PCNX1: variants seen among roughly 807,000 people sequenced by gnomAD.
PCNX1 encodes pecanex 1.
In PCNX1, 78 loss-of-function variants were observed where a neutral mutation model predicts 242.2. The observed-to-expected ratio is 0.32, with a 90% CI of 0.27 to 0.39. PCNX1 has a LOEUF of 0.39. Among genes scored for constraint, PCNX1 ranks in the 10% least tolerant of loss-of-function variants. The probability of loss-of-function intolerance (pLI) is 1.00; values close to 1 mark genes in which losing one functional copy is unlikely to be tolerated. For missense variants in PCNX1, 2,581 were observed against 2,856.5 expected (o/e 0.90, Z 2.20); for synonymous variants, 1,024 against 1,032.9 (o/e 0.99, Z 0.17).
rs185903236 is a variant in PCNX1 at position 70,977,984 on chromosome 14, A to G, written c.1647A>G (p.Val549=). Residue 549 remains valine, a synonymous_variant, in exon 6 of 36, where the codon GTA becomes GTG. Transcript: ENST00000304743. The stretch of plus-strand genomic sequence containing the variant: ...ATGTTCGACCTAAATCTTCTAGCGT[A>G]ATCCATCGGACAGCTTCTGCCCACA... ...EGDVRPKSSS[V]IHRTASAHKS... is the part of the protein sequence containing the mutation. 23 of 1,614,160 alleles carry G rather than the reference A, an allele frequency of 1.4e-5. No homozygotes were observed. In the East Asian group the frequency reaches 1.6e-4, roughly 11 times the overall value.
At position 70,976,938 on chromosome 14, in the gene PCNX1, A is replaced by G; in HGVS notation, c.605-4A>G. 8.1e-6 allele frequency: 13 copies of G among 1,607,490 alleles called. No individual in the cohort carries two copies. The highest frequency in any genetic ancestry group is 1.1e-5 in the Non-Finnish European group (13 of 1,176,054). ...TAACATTTCAAAATATGTGTTTGAA[A>G]CAGATTTGGCAGCTGATCGGAAGCT... On this transcript the variant is annotated splice_region_variant and splice_polypyrimidine_tract_variant and intron_variant, in intron 5 of 35. Transcript: ENST00000304743.
chr14:70,925,216 G>T (rs2810116), intron 1 of PCNX1, among the ~76,000 whole-genome samples: 96,029 of 151,968 alleles, frequency 0.63, 30,582 homozygotes, highest in South Asian at 0.71. Context: ...CTTGGACTCC[G>T]GACCTCAAGT....
chr14:70,909,487 C>A (rs985586409), intron 1 of PCNX1, among the ~76,000 whole-genome samples: 1 of 152,112 alleles, frequency 6.6e-6, no homozygotes, highest in Non-Finnish European at 1.5e-5. Context: ...CAGGCTGTCA[C>A]AAAATTTTCA....
At chr14:71,046,301 C>G (rs1240963743) in intron 20 of PCNX1, among the ~76,000 whole-genome samples, 1 of 152,000 alleles carries the variant, frequency 6.6e-6, no homozygotes, top group Non-Finnish European at 1.5e-5. Flanking sequence ...CAACACTTTT[C>G]ATTAAAATAA....
At chr14:71,100,999 G>A (rs2062447717) in intron 30 of PCNX1, among the ~76,000 whole-genome samples, 1 of 152,094 alleles carries the variant, frequency 6.6e-6, no homozygotes, top group African/African-American at 2.4e-5. Flanking sequence ...AAATAATGTA[G>A]AACATTTTAC....
At chr14:71,041,064 G>C (rs764665114) in intron 19 of PCNX1, among the ~76,000 whole-genome samples, 1 of 151,810 alleles carries the variant, frequency 6.6e-6, no homozygotes, top group South Asian at 2.1e-4. Flanking sequence ...TTCTTTATCC[G>C]TTCATTCATC....
intron 8 of PCNX1, among the ~76,000 whole-genome samples, chr14:70,997,494 T>C (rs555768567): frequency 6.6e-6 from 1 of 152,304 alleles, no homozygotes; most frequent in Admixed American, 6.5e-5. Context: ...ATGCCAATTA[T>C]TGAAAATACT....
chr14:70,938,731 A>G (rs1293443677), intron 1 of PCNX1, among the ~76,000 whole-genome samples: 1 of 152,218 alleles, frequency 6.6e-6, no homozygotes, highest in African/African-American at 2.4e-5. Flanking sequence ...TACCTCTGGT[A>G]GAATTTGGCT....
At chr14:70,959,776 C>T (rs1446255843) in intron 2 of PCNX1, among the ~76,000 whole-genome samples, 3 of 148,828 alleles carry the variant, frequency 2.0e-5, no homozygotes, top group Non-Finnish European at 4.5e-5. Context: ...AATGGTATTT[C>T]TAGTTCTAGA....
chr14:71,035,088 T>A (rs1021383817), intron 18 of PCNX1, among the ~76,000 whole-genome samples: 1 of 152,158 alleles, frequency 6.6e-6, no homozygotes, highest in South Asian at 2.1e-4. Context: ...GGTGTGTGCC[T>A]GTAATTCAGC....
intron 3 of PCNX1, among the ~76,000 whole-genome samples, chr14:70,964,002 G>A (rs1402009824): frequency 6.6e-6 from 1 of 152,022 alleles, no homozygotes; most frequent in Non-Finnish European, 1.5e-5. Flanking sequence ...GATGTCAAGA[G>A]TTTTTTTGTT....
intron 10 of PCNX1, 137 bp from the exon 11 acceptor site, chr14:71,012,848 A>T: frequency 1.6e-6 from 1 of 632,368 alleles, no homozygotes; most frequent in South Asian, 2.0e-5. Flanking sequence ...AGTGTATGAG[A>T]GAAGAAAATT....
At chr14:71,079,259 G>A (rs1033483065) in intron 28 of PCNX1, among the ~76,000 whole-genome samples, 38 of 152,136 alleles carry the variant, frequency 2.5e-4, no homozygotes, top group African/African-American at 8.9e-4. Context: ...TGGGCATTTG[G>A]ATTGGTTCCA....
intron 19 of PCNX1, among the ~76,000 whole-genome samples, chr14:71,039,895 A>G (rs778482587): frequency 4.6e-5 from 7 of 152,124 alleles, no homozygotes; most frequent in Non-Finnish European, 1.0e-4. Context: ...TGTAATTACC[A>G]TGTTTAGTGC....
intron 2 of PCNX1, among the ~76,000 whole-genome samples, chr14:70,954,607 T>C (rs117858388): frequency 0.034 from 5,156 of 152,314 alleles, 119 homozygotes; most frequent in Non-Finnish European, 0.053. Flanking sequence ...ATAGTATTTA[T>C]GCTAGTATAA....
rs747166176 is a variant in PCNX1, at chr14:70,978,255, T to C, written c.1918T>C (p.Tyr640His). Reference protein sequence around the residue: ...SHSCQSPEGRYSALKTKHTHK... With the variant: ...SHSCQSPEGRHSALKTKHTHK... ...TTCCTGTCAGTCTCCTGAGGGCAGATACAGTGCTCTAAAGACCAAACACAC... is the reference window on the plus strand; with the variant it reads ...TTCCTGTCAGTCTCCTGAGGGCAGACACAGTGCTCTAAAGACCAAACACAC... Residue 640 changes from tyrosine (Y) to histidine (H), a missense_variant, in exon 6 of 36, where the codon TAC becomes CAC. Tyr to His is a moderately conservative substitution (Grantham distance 83, BLOSUM62 2). This residue lies in a region of PCNX1 where 1,204 missense variants were observed against 1,216.7 expected (regional missense o/e 0.99). Coordinates refer to ENST00000304743, the MANE Select transcript of PCNX1 (RefSeq NM_014982.3). The C allele has an allele frequency of 2.5e-6, 4 of 1,614,122 alleles. No individual in the cohort carries two copies. The South Asian group carries it at 4.4e-5, about 18-fold the overall frequency.
At chr14:71,009,770 G>A (rs780573593) in intron 9 of PCNX1, 46 bp downstream of exon 9, 3 of 1,156,936 alleles carry the variant, frequency 2.6e-6, no homozygotes, top group Admixed American at 2.0e-5. Context: ...TCATATGTTT[G>A]CCATATTTAA....
At chr14:70,927,566 T>C (rs2056637744) in intron 1 of PCNX1, among the ~76,000 whole-genome samples, 1 of 151,922 alleles carries the variant, frequency 6.6e-6, no homozygotes, top group Non-Finnish European at 1.5e-5. Flanking sequence ...ATTTTCATTC[T>C]CTCTCTTTTA....
intron 1 of PCNX1, among the ~76,000 whole-genome samples, chr14:70,917,529 T>C (rs959433082): frequency 6.6e-6 from 1 of 152,208 alleles, no homozygotes; most frequent in African/African-American, 2.4e-5. Flanking sequence ...AGTAGTATTT[T>C]GAAAGGAATC....
Sources: allele counts gnomAD v4.1 joint callset (sites outside exome capture counted in the v4.1 genomes callset), GRCh38; gene constraint gnomAD v4.1.1; regional missense constraint gnomAD v4.1.1; transcripts MANE v1.5; gene names NCBI Gene and HGNC (gene_info 2026-07-23, HGNC 2026-07-21).